TAS2R1: variants seen among roughly 807,000 people sequenced by gnomAD.
The protein encoded by TAS2R1 is taste receptor type 2 member 1.
For missense variants in TAS2R1, 370 were observed against 353.4 expected, an observed-to-expected ratio of 1.05 and a Z score of -0.38; for synonymous variants, 141 against 134.2, an observed-to-expected ratio of 1.05 and a Z score of -0.35.
chr5:9,754,757 T>C, the TAS2R1 span, among the ~76,000 whole-genome samples: 1 of 152,146 alleles, frequency 6.6e-6, no homozygotes, highest in African/African-American at 2.4e-5. Context: ...TACAAACAAA[T>C]GGAAGAACAT....
chr5:9,810,804 C>A, the TAS2R1 span, among the ~76,000 whole-genome samples: 4 of 152,120 alleles, frequency 2.6e-5, no homozygotes, highest in African/African-American at 4.8e-5. Flanking sequence ...GAGAATGGAA[C>A]CTTGCCTGAC....
At chr5:9,669,272 G>A (rs1007936252) in intron 1 of TAS2R1, among the ~76,000 whole-genome samples, 51 of 152,236 alleles carry the variant, frequency 3.4e-4, no homozygotes, top group African/African-American at 1.2e-3. Flanking sequence ...GAAGTTCTTA[G>A]ACACCGACAA....
chr5:9,669,985 A>G (rs1323904533), intron 1 of TAS2R1, among the ~76,000 whole-genome samples: 2 of 152,118 alleles, frequency 1.3e-5, no homozygotes, highest in Non-Finnish European at 2.9e-5. Flanking sequence ...TTGAAAGAAT[A>G]AGTAAGATTG....
the TAS2R1 span, among the ~76,000 whole-genome samples, chr5:9,859,098 G>T: frequency 2.0e-5 from 3 of 152,126 alleles, no homozygotes; most frequent in South Asian, 2.1e-4. Context: ...CCCAGCTCAA[G>T]AACTTTTTTC....
chr5:9,884,369 G>A, the TAS2R1 span, among the ~76,000 whole-genome samples: 49 of 151,896 alleles, frequency 3.2e-4, no homozygotes, highest in Middle Eastern at 3.4e-3. Flanking sequence ...AGCTACTCGG[G>A]AGGCTGAGGG....
chr5:9,886,498 A>AT, the TAS2R1 span, among the ~76,000 whole-genome samples: 1 of 150,288 alleles, frequency 6.7e-6, no homozygotes, highest in East Asian at 2.0e-4. Context: ...TGCCCAGATA[A>AT]TTTTTTTGTA....
At chr5:9,771,331 A>C in the TAS2R1 span, among the ~76,000 whole-genome samples, 1 of 152,082 alleles carries the variant, frequency 6.6e-6, no homozygotes, top group Non-Finnish European at 1.5e-5. Context: ...ATTGATTTGC[A>C]TATGTTAAAC....
At chr5:9,822,991 C>T in the TAS2R1 span, among the ~76,000 whole-genome samples, 1 of 122,480 alleles carries the variant, frequency 8.2e-6, no homozygotes, top group Admixed American at 1.0e-4. Flanking sequence ...ACTGCTCTCT[C>T]AGAATGAAAG....
chr5:9,796,707 A>T, the TAS2R1 span, among the ~76,000 whole-genome samples: 1 of 148,178 alleles, frequency 6.7e-6, no homozygotes, highest in East Asian at 2.0e-4. Context: ...GGCGCAGAAA[A>T]TAGCTATTTT....
the TAS2R1 span, among the ~76,000 whole-genome samples, chr5:9,860,762 G>C: frequency 6.6e-6 from 1 of 152,204 alleles, no homozygotes. Context: ...ACCCACTGGA[G>C]AGCTCCATGT....
chr5:9,753,075 G>T, the TAS2R1 span, among the ~76,000 whole-genome samples: 1 of 152,122 alleles, frequency 6.6e-6, no homozygotes, highest in Non-Finnish European at 1.5e-5. Flanking sequence ...GTAATGGGAT[G>T]GCTGGGTCAA....
the TAS2R1 span, among the ~76,000 whole-genome samples, chr5:9,840,479 C>T: frequency 4.6e-5 from 7 of 152,292 alleles, no homozygotes; most frequent in East Asian, 1.9e-4. Context: ...ATGCACTCTT[C>T]TTGACTATTT....
chr5:9,863,545 G>A, the TAS2R1 span, among the ~76,000 whole-genome samples: 34 of 152,240 alleles, frequency 2.2e-4, no homozygotes, highest in South Asian at 4.2e-3. Flanking sequence ...GATTACGGGC[G>A]TGAGCCACCG....
At chr5:9,768,151 TC>T in the TAS2R1 span, among the ~76,000 whole-genome samples, 1 of 151,990 alleles carries the variant, frequency 6.6e-6, no homozygotes, top group Non-Finnish European at 1.5e-5. Context: ...TGCCAACACA[TC>T]CCTCTCTGGA....
chr5:9,827,951 C>G, the TAS2R1 span, among the ~76,000 whole-genome samples: 1 of 152,132 alleles, frequency 6.6e-6, no homozygotes, highest in African/African-American at 2.4e-5. Context: ...GCAATACCTT[C>G]TACGATATTC....
chr5:9,765,814 C>T, the TAS2R1 span: 2 of 152,206 alleles, frequency 1.3e-5, no homozygotes, highest in African/African-American at 2.4e-5. Flanking sequence ...CCTGGAATAA[C>T]TTTAGAGCAT....
At chr5:9,773,540 T>C in the TAS2R1 span, among the ~76,000 whole-genome samples, 59 of 152,308 alleles carry the variant, frequency 3.9e-4, 1 homozygote, top group Non-Finnish European at 7.1e-4. Context: ...TGATTTCTTA[T>C]TGCTCATTAA....
chr5:9,774,785 C>T, the TAS2R1 span, among the ~76,000 whole-genome samples: 2 of 152,238 alleles, frequency 1.3e-5, no homozygotes, highest in Non-Finnish European at 2.9e-5. Flanking sequence ...TTCCACCAGA[C>T]AAAGTCTCTC....
intron 2 of TAS2R1, among the ~76,000 whole-genome samples, chr5:9,650,774 T>TA (rs1740289146): frequency 6.6e-6 from 1 of 152,182 alleles, no homozygotes; most frequent in Non-Finnish European, 1.5e-5. Flanking sequence ...GGTTAGTACT[T>TA]ACTACTATCC....
Sources: gnomAD v4.1 joint callset for allele counts (sites outside exome capture counted in the v4.1 genomes callset) on GRCh38, gnomAD v4.1.1 for gene constraint, MANE v1.5 for transcripts, NCBI Gene and HGNC (gene_info 2026-07-23, HGNC 2026-07-21) for gene names.